Variants in FAM184B observed in about 807,000 individuals in gnomAD.
FAM184B encodes family with sequence similarity 184 member B.
A neutral mutation model predicts 135.9 loss-of-function variants in FAM184B; 111 were observed. That is an observed-to-expected ratio of 0.82 (90% CI 0.70 to 0.96). The LOEUF (loss-of-function observed/expected upper bound fraction) is 0.96, where lower values mean the gene tolerates loss of function less well. FAM184B is among the 40% of genes least tolerant of loss of function. The pLI is 0.00. For synonymous variants in FAM184B, 552 were observed against 524.8 expected (o/e 1.05, Z -0.71); for missense variants, 1,375 against 1,323.9 (o/e 1.04, Z -0.60).
chr4:17,711,497 C>T lies in FAM184B; in HGVS notation c.142-1853G>A, dbSNP rs542492079. Reference sequence around the variant, plus strand: ...AGTCTCAAAAAAAATAAAACAAAAACAAAAACAAAAAATGAAAAAGCTGGG... The same window carrying T: ...AGTCTCAAAAAAAATAAAACAAAAATAAAAACAAAAAATGAAAAAGCTGGG... On this transcript the variant is annotated intron_variant, in intron 1 of 17. Coordinates refer to ENST00000265018, the MANE Select transcript of FAM184B (RefSeq NM_015688.2). Among the ~76,000 whole-genome samples the T allele has an allele frequency of 1.9e-4, 29 of 151,616 alleles. 1 individual carries two copies. In the South Asian group the frequency reaches 3.1e-3, roughly 16 times the overall value.
intron 1 of FAM184B, among the ~76,000 whole-genome samples, chr4:17,746,731 CAA>C (rs575639086): frequency 1.0e-4 from 11 of 110,302 alleles, no homozygotes; most frequent in Admixed American, 1.0e-4. Context: ...GACACGGTCT[CAA>C]AAAAAAAAAA....
intron 10 of FAM184B, among the ~76,000 whole-genome samples, chr4:17,657,380 C>G (rs984188937): frequency 1.3e-5 from 2 of 152,174 alleles, no homozygotes; most frequent in Non-Finnish European, 2.9e-5. Flanking sequence ...CTCCTCAAAC[C>G]TTCCTTCTTG....
chr4:17,669,486 G>C (rs1480530852), intron 7 of FAM184B, among the ~76,000 whole-genome samples: 1 of 152,116 alleles, frequency 6.6e-6, no homozygotes, highest in African/African-American at 2.4e-5. Flanking sequence ...GATTAATTAG[G>C]TCCAGGTCTC....
At chr4:17,715,375 T>C (rs1355872983) in intron 1 of FAM184B, among the ~76,000 whole-genome samples, 1 of 152,084 alleles carries the variant, frequency 6.6e-6, no homozygotes, top group African/African-American at 2.4e-5. Flanking sequence ...CTTGGGAGGC[T>C]GAGGCAGGAG....
chr4:17,650,602 C>T lies in FAM184B; in HGVS notation c.2191+2228G>A, dbSNP rs147037221. ...CTGGGTGTTGGAATCACCAGGATGT[C>T]CAGCCTGACCTGTACATGGGGAGCC... On this transcript the variant is annotated intron_variant, in intron 11 of 17. Coordinates refer to ENST00000265018, the MANE Select transcript of FAM184B (RefSeq NM_015688.2). 2.5e-3 allele frequency among the ~76,000 whole-genome samples: 382 copies of T among 152,284 alleles called. 3 individuals carry two copies. Among genetic ancestry groups the T allele is most frequent in the African/African-American group, 8.1e-3 (338 of 41,548 alleles).
intron 7 of FAM184B, among the ~76,000 whole-genome samples, chr4:17,673,287 G>A (rs1716221567): frequency 6.6e-6 from 1 of 152,132 alleles, no homozygotes; most frequent in South Asian, 2.1e-4. Context: ...TAGATGCAAT[G>A]AACAGGGAAC....
intron 7 of FAM184B, among the ~76,000 whole-genome samples, chr4:17,686,183 G>A (rs1359126615): frequency 1.3e-5 from 2 of 152,222 alleles, no homozygotes; most frequent in South Asian, 2.1e-4. Context: ...GGGGCCAAAA[G>A]TTCTCTGGAA....
intron 1 of FAM184B, among the ~76,000 whole-genome samples, chr4:17,774,682 C>A (rs999793079): frequency 6.6e-6 from 1 of 152,282 alleles, no homozygotes; most frequent in Non-Finnish European, 1.5e-5. Flanking sequence ...TACCTGTCAC[C>A]ATTCTCTCTT....
At chr4:17,645,257 C>A (rs1340648500) in intron 12 of FAM184B, among the ~76,000 whole-genome samples, 3 of 152,108 alleles carry the variant, frequency 2.0e-5, no homozygotes, top group Non-Finnish European at 4.4e-5. Flanking sequence ...AAAAAAGAGC[C>A]TGCGTCGCCA....
chr4:17,641,301 T>G (rs1239457513), intron 13 of FAM184B, among the ~76,000 whole-genome samples: 1 of 151,752 alleles, frequency 6.6e-6, no homozygotes, highest in Non-Finnish European at 1.5e-5. Flanking sequence ...TCACCCAACC[T>G]CACACAGCTA....
At position 17,647,671 on chromosome 4, in the gene FAM184B, G is replaced by A. The variant is rs1194165613; in HGVS notation, c.2312C>T (p.Pro771Leu). The A allele has an allele frequency of 3.2e-6, 5 of 1,550,930 alleles. No individual in the cohort carries two copies. The highest frequency in any genetic ancestry group is 1.8e-4 in the Middle Eastern group (1 of 5,426). ...GATTATGTGATCCTTGCTGTCTCCTGGACACTGGCTGCTGGCTTGCTGTCT... is the reference window on the plus strand; with the variant it reads ...GATTATGTGATCCTTGCTGTCTCCTAGACACTGGCTGCTGGCTTGCTGTCT... ...LGRQQASSQC[P>L]GDSKDHIIAT... The change falls in exon 12 of 18, where the codon CCA (proline) becomes CTA (leucine). Residue 771 changes from proline (P) to leucine (L), a missense_variant. Physicochemically the swap from Pro to Leu is moderately conservative, Grantham distance 98. Coordinates refer to ENST00000265018, the MANE Select transcript of FAM184B (RefSeq NM_015688.2).
In FAM184B at chr4:17,709,009, C is replaced by G; in HGVS notation, c.777G>C (p.Gln259His). The change falls in exon 2 of 18, where the codon CAG (glutamine) becomes CAC (histidine). Residue 259 changes from glutamine (Q) to histidine (H), a missense_variant. Gln to His is a conservative substitution (Grantham distance 24, BLOSUM62 0). Transcript: ENST00000265018. ...GAGCCTGCAGGGCTGACTCCTGGACCTGGAAGTTCTTGCGGAGGTCCGACT... is the reference window on the plus strand; with the variant it reads ...GAGCCTGCAGGGCTGACTCCTGGACGTGGAAGTTCTTGCGGAGGTCCGACT... ...EKESDLRKNF[Q>H]VQESALQAQV... The G allele has an allele frequency of 6.4e-7, 1 of 1,550,612 alleles. No homozygotes were observed. Among genetic ancestry groups the G allele is most frequent in the Non-Finnish European group, 8.7e-7 (1 of 1,146,952 alleles).
intron 10 of FAM184B, 72 bp from the exon 11 acceptor site, chr4:17,653,055 G>T: frequency 7.1e-7 from 1 of 1,405,764 alleles, no homozygotes; most frequent in Non-Finnish European, 9.8e-7. Context: ...CCTTTGCCAA[G>T]CTCTTCTGAG....
intron 14 of FAM184B, among the ~76,000 whole-genome samples, chr4:17,638,688 T>G (rs1715220824): frequency 1.3e-5 from 2 of 152,196 alleles, no homozygotes; most frequent in African/African-American, 4.8e-5. Context: ...GGAATAACAA[T>G]TCTAATTGAG....
intron 8 of FAM184B, among the ~76,000 whole-genome samples, chr4:17,661,906 G>A (rs983734844): frequency 1.3e-5 from 2 of 152,188 alleles, no homozygotes; most frequent in East Asian, 3.8e-4. Flanking sequence ...TACATGTAGT[G>A]AAGTGCACAG....
intron 7 of FAM184B, among the ~76,000 whole-genome samples, chr4:17,676,102 C>A (rs1346413410): frequency 1.3e-5 from 2 of 152,214 alleles, no homozygotes; most frequent in African/African-American, 4.8e-5. Context: ...TTTTGACATG[C>A]CTTCCTTGCT....
At chr4:17,764,793 G>C (rs142423685) in intron 1 of FAM184B, among the ~76,000 whole-genome samples, 1 of 152,194 alleles carries the variant, frequency 6.6e-6, no homozygotes, top group East Asian at 1.9e-4. Context: ...GGCCAGGCGC[G>C]GTGGCTCACG....
chr4:17,636,488 CG>C (rs1560163274), intron 15 of FAM184B, 39 bp downstream of exon 15: 3 of 1,497,970 alleles, frequency 2.0e-6, no homozygotes, highest in Non-Finnish European at 2.7e-6. Context: ...CCGCAGTGCC[CG>C]GCCAGGTGCG....
At chr4:17,681,839 T>C (rs1279721515) in intron 7 of FAM184B, among the ~76,000 whole-genome samples, 1 of 152,210 alleles carries the variant, frequency 6.6e-6, no homozygotes, top group African/African-American at 2.4e-5. Flanking sequence ...TGTCCGCAGA[T>C]GTCATTCTTC....
Sources: gnomAD v4.1 joint callset for allele counts (sites outside exome capture counted in the v4.1 genomes callset) on GRCh38, gnomAD v4.1.1 for gene constraint, MANE v1.5 for transcripts, NCBI Gene and HGNC (gene_info 2026-07-23, HGNC 2026-07-21) for gene names.